Variants in TACC2 observed in about 807,000 individuals in gnomAD.
The protein encoded by TACC2 is transforming acidic coiled-coil containing protein 2.
A neutral mutation model predicts 227.3 loss-of-function variants in TACC2; 137 were observed. That is an observed-to-expected ratio of 0.60 (90% CI 0.52 to 0.69). The LOEUF is 0.69. Among genes scored for constraint, TACC2 ranks in the 30% least tolerant of loss-of-function variants. The probability of loss-of-function intolerance (pLI) is 0.00; values close to 1 mark genes in which losing one functional copy is unlikely to be tolerated. For synonymous variants in TACC2, 1,523 were observed against 1,487.5 expected (o/e 1.02, Z -0.55); for missense variants, 3,470 against 3,694.4 (o/e 0.94, Z 1.57).
chr10:122,217,360 G>A (rs765367035), intron 11 of TACC2, among the ~76,000 whole-genome samples: 3 of 151,564 alleles, frequency 2.0e-5, no homozygotes, highest in Non-Finnish European at 2.9e-5. Flanking sequence ...AATGGGCTCC[G>A]GACAACTTTG....
chr10:122,102,877 T>G (rs1302073221), intron 5 of TACC2, among the ~76,000 whole-genome samples: 1 of 152,166 alleles, frequency 6.6e-6, no homozygotes, highest in African/African-American at 2.4e-5. Context: ...TTGTGTATAT[T>G]TTGGGTTCAG....
At chr10:122,142,875 T>C (rs1011348493) in intron 6 of TACC2, among the ~76,000 whole-genome samples, 2 of 152,238 alleles carry the variant, frequency 1.3e-5, no homozygotes, top group African/African-American at 2.4e-5. Context: ...CCTTGCTTTT[T>C]GCCAGTGGGG....
chr10:122,170,631 C>G (rs1381878219), intron 7 of TACC2, among the ~76,000 whole-genome samples: 2 of 152,110 alleles, frequency 1.3e-5, no homozygotes, highest in Non-Finnish European at 2.9e-5. Flanking sequence ...TTCACTTTTC[C>G]CTCACCTCTC....
intron 5 of TACC2, among the ~76,000 whole-genome samples, chr10:122,125,925 C>T (rs191866828): frequency 4.3e-4 from 65 of 151,912 alleles, no homozygotes; most frequent in East Asian, 3.1e-3. Flanking sequence ...TACAGGTGCG[C>T]GCCACCGCAC....
At chr10:122,061,014 A>G (rs1034873275) in intron 3 of TACC2, among the ~76,000 whole-genome samples, 3 of 47,040 alleles carry the variant, frequency 6.4e-5, no homozygotes, top group Admixed American at 2.1e-4. Context: ...AAAAAAAAAA[A>G]AAAAAGGGGG....
At chr10:121,995,194 C>A (rs919839652) in intron 1 of TACC2, among the ~76,000 whole-genome samples, 7 of 152,228 alleles carry the variant, frequency 4.6e-5, no homozygotes, top group African/African-American at 1.7e-4. Context: ...TCACAAGTGC[C>A]TTTCCAGGCC....
At chr10:122,243,134 G>A (rs538890817) in intron 19 of TACC2, among the ~76,000 whole-genome samples, 46 of 152,282 alleles carry the variant, frequency 3.0e-4, no homozygotes, top group African/African-American at 1.0e-3. Flanking sequence ...AGTAGAGACG[G>A]GGTTTCACTA....
chr10:122,207,980 C>A (rs2095179159), intron 8 of TACC2, among the ~76,000 whole-genome samples: 1 of 152,094 alleles, frequency 6.6e-6, no homozygotes, highest in Non-Finnish European at 1.5e-5. Context: ...CTCCGTGTAT[C>A]CAGGGGCAAT....
chr10:122,163,673 C>G, intron 7 of TACC2: 2 of 1,056,850 alleles, frequency 1.9e-6, no homozygotes, highest in Non-Finnish European at 2.3e-6. Flanking sequence ...CCGCGCACGC[C>G]GGCCACACTC....
At position 122,086,666 on chromosome 10, in the gene TACC2, C is replaced by T. The variant is rs2080124547; in HGVS notation, c.4166C>T (p.Ser1389Leu). The change falls in exon 4 of 23, where the codon TCA becomes TTA. Residue 1389 changes from serine to leucine, a missense_variant. By Grantham distance (145) the Ser-to-Leu change is moderately radical. Around this residue, in one of 10 missense-constraint regions of TACC2, gnomAD observed 1,924 missense variants for 1,978.3 expected, o/e 0.97. Coordinates refer to ENST00000369005, the MANE Select transcript of TACC2 (RefSeq NM_206862.4). ...TCCCAGGACCCAAAGCAGGGCACATCAGGTGGTGTGGACACAAGCTCTGAG... is the reference window on the plus strand; with the variant it reads ...TCCCAGGACCCAAAGCAGGGCACATTAGGTGGTGTGGACACAAGCTCTGAG... ...EPSQDPKQGT[S>L]GGVDTSSEQI... 6.2e-7 allele frequency: 1 copy of T among 1,611,610 alleles called. No homozygotes were observed. The highest frequency in any genetic ancestry group is 1.3e-5 in the African/African-American group (1 of 74,922).
intron 6 of TACC2, among the ~76,000 whole-genome samples, chr10:122,139,334 T>C (rs1474103164): frequency 2.0e-5 from 3 of 152,180 alleles, no homozygotes; most frequent in Non-Finnish European, 2.9e-5. Flanking sequence ...CTGCTCACGC[T>C]CTCACGTGAA....
chr10:122,130,966 C>T (rs1442190602), intron 5 of TACC2, among the ~76,000 whole-genome samples: 1 of 152,088 alleles, frequency 6.6e-6, no homozygotes, highest in Non-Finnish European at 1.5e-5. Flanking sequence ...TGACCATCTG[C>T]ACCTTCCTTC....
chr10:122,185,253 G>T lies in TACC2; in HGVS notation c.5835-9787G>T, dbSNP rs189408368. On this transcript the variant is annotated intron_variant, in intron 7 of 22. Coordinates refer to ENST00000369005, the MANE Select transcript of TACC2 (RefSeq NM_206862.4). ...GTTGTCCAGGCTAGAGTGCAATGGC[G>T]CGATCTTGGCTCACTACAACCTCCG... Among the ~76,000 whole-genome samples, 771 of 150,816 alleles carry T rather than the reference G, an allele frequency of 5.1e-3. 5 individuals carry two copies. The highest frequency in any genetic ancestry group is 0.017 in the African/African-American group (690 of 41,016).
chr10:122,248,406 C>T, intron 19 of TACC2: 1 of 552,562 alleles, frequency 1.8e-6, no homozygotes, highest in Non-Finnish European at 3.2e-6. Flanking sequence ...AGTAATGGCT[C>T]ATTTCTACCT....
intron 7 of TACC2, among the ~76,000 whole-genome samples, chr10:122,155,929 C>T (rs966938866): frequency 6.6e-6 from 1 of 150,872 alleles, no homozygotes; most frequent in African/African-American, 2.4e-5. Flanking sequence ...TCTCCGCCTC[C>T]CGGGCTCACA....
chr10:122,204,000 A>G (rs1482575096), intron 8 of TACC2, among the ~76,000 whole-genome samples: 1 of 151,358 alleles, frequency 6.6e-6, no homozygotes, highest in Non-Finnish European at 1.5e-5. Context: ...CACCAAAAAA[A>G]TACGAAAACC....
chr10:122,033,558 T>A (rs530109626), intron 2 of TACC2, among the ~76,000 whole-genome samples: 3 of 152,304 alleles, frequency 2.0e-5, no homozygotes, highest in East Asian at 3.9e-4. Flanking sequence ...TGAGCAAAAC[T>A]GATTTGTTGT....
At chr10:121,995,687 G>A (rs77032313) in intron 1 of TACC2, among the ~76,000 whole-genome samples, 23,078 of 152,158 alleles carry the variant, frequency 0.15, 2,162 homozygotes, top group Admixed American at 0.24. Context: ...TTTCACTCAT[G>A]GTGGAAGGCC....
intron 2 of TACC2, among the ~76,000 whole-genome samples, chr10:122,046,778 A>T (rs1284444000): frequency 5.9e-5 from 9 of 152,250 alleles, no homozygotes; most frequent in African/African-American, 2.2e-4. Flanking sequence ...CTGTTAAATT[A>T]TTTGCAGAAT....
Sources: gnomAD v4.1 joint callset for allele counts (sites outside exome capture counted in the v4.1 genomes callset) on GRCh38, gnomAD v4.1.1 for gene constraint, gnomAD v4.1.1 regional missense constraint, MANE v1.5 for transcripts, NCBI Gene and HGNC (gene_info 2026-07-23, HGNC 2026-07-21) for gene names.